The following TNFSF8 variants were observed in gnomAD, a reference collection of about 807,000 sequenced individuals.
TNFSF8 encodes TNF superfamily member 8.
TNFSF8 carries 4 observed loss-of-function variants against 22.0 expected under a neutral mutation model. The ratio of observed to expected loss-of-function variants is 0.18; its 90% CI spans 0.09 to 0.42. The LOEUF (loss-of-function observed/expected upper bound fraction) is 0.42. Among genes scored for constraint, TNFSF8 ranks in the 10% least tolerant of loss-of-function variants. The pLI is 1.00. For missense variants in TNFSF8, 233 were observed against 281.8 expected (o/e 0.83, Z 1.24); for synonymous variants, 106 against 112.5 (o/e 0.94, Z 0.37).
intron 4 of TNFSF8, chr9:114,894,210 T>A: frequency 2.0e-6 from 3 of 1,472,242 alleles, no homozygotes; most frequent in Non-Finnish European, 2.8e-6. Context: ...GCAGGAGAGA[T>A]GTGATACATT....
intron 2 of TNFSF8, among the ~76,000 whole-genome samples, chr9:114,913,201 T>G (rs557009948): frequency 2.6e-5 from 4 of 151,980 alleles, no homozygotes; most frequent in African/African-American, 9.7e-5. Flanking sequence ...GAGGGTGGAG[T>G]TGTCAGGACC....
chr9:114,929,956 A>G lies in TNFSF8; in HGVS notation c.195+153T>C, dbSNP rs1336169942. Among the ~76,000 whole-genome samples, 4 of 143,174 alleles carry G rather than the reference A, an allele frequency of 2.8e-5. No individual in the cohort carries two copies. In the Admixed American group the frequency reaches 2.9e-4, roughly 10 times the overall value. 93.9% of individuals were successfully genotyped at this position (143,174 alleles called of 152,430 possible). ...AAGTGTATTACGTTATACAGTATAT[A>G]CTATAGTATATATATATATATAGAG... On this transcript the variant is annotated intron_variant, in intron 1 of 3. Transcript: ENST00000223795.
intron 2 of TNFSF8, among the ~76,000 whole-genome samples, chr9:114,913,114 GA>G (rs1406863400): frequency 6.6e-6 from 1 of 152,190 alleles, no homozygotes; most frequent in African/African-American, 2.4e-5. Context: ...CCCAAGACTT[GA>G]ATGTCAGCAT....
chr9:114,897,417 A>G (rs1359242839), downstream of TNFSF8, among the ~76,000 whole-genome samples: 2 of 152,152 alleles, frequency 1.3e-5, no homozygotes, highest in Non-Finnish European at 2.9e-5. Flanking sequence ...GTGATTACCC[A>G]GTGCTAAATA....
intron 4 of TNFSF8, among the ~76,000 whole-genome samples, chr9:114,894,359 G>A (rs1300614250): frequency 6.7e-6 from 1 of 149,894 alleles, no homozygotes. Flanking sequence ...TTAGCGGAAT[G>A]GTTCTTGAGC....
chr9:114,900,289 C>T (rs1047037452), downstream of TNFSF8, among the ~76,000 whole-genome samples: 1 of 152,170 alleles, frequency 6.6e-6, no homozygotes, highest in Non-Finnish European at 1.5e-5. Context: ...AAGGGACAAA[C>T]CCTTAAATTA....
At position 114,918,149 on chromosome 9, in the gene TNFSF8, A is replaced by C. The variant is rs1202316977; in HGVS notation, c.196-11T>G. ...GTTGGGAATGGAGTCCTGGAAGAAA[A>C]GAAAGAAAAAAGCAGCATGAGGTGT... is the stretch of plus-strand genomic sequence containing the variant. On this transcript the variant is annotated splice_polypyrimidine_tract_variant and intron_variant, in intron 1 of 3. Coordinates refer to ENST00000223795, the MANE Select transcript of TNFSF8 (RefSeq NM_001244.4). 2 of 1,602,462 alleles carry C rather than the reference A, an allele frequency of 1.2e-6. No homozygotes were observed. The highest frequency in any genetic ancestry group is 4.5e-5 in the East Asian group (2 of 44,454).
Position 114,902,567 on chromosome 9 carries a change from A to T in TNFSF8, c.*1364T>A. 6 of 985,414 alleles carry T rather than the reference A, an allele frequency of 6.1e-6. No individual in the cohort carries two copies. Among genetic ancestry groups the T allele is most frequent in the Non-Finnish European group, 7.2e-6 (6 of 829,932 alleles). The allele number at this position is 985,414 out of a possible 1,614,324, so 61.0% of individuals were successfully genotyped here. A position where few individuals can be genotyped will look rare whatever the true frequency, so the allele number is the denominator to read the frequency against. On this transcript the variant is annotated 3_prime_UTR_variant, in exon 4 of 4. Transcript: ENST00000223795. Reference sequence around the variant, plus strand: ...GGTAGTTCTTTCCATTACATCCTTGAGATCCTGCTGTTCACACCATTCAGC... The same window carrying T: ...GGTAGTTCTTTCCATTACATCCTTGTGATCCTGCTGTTCACACCATTCAGC...
chr9:114,901,295 T>G lies in TNFSF8; in HGVS notation c.*2636A>C. 1 of 985,374 alleles carries G rather than the reference T, an allele frequency of 1.0e-6. No individual in the cohort carries two copies. Among genetic ancestry groups the G allele is most frequent in the Non-Finnish European group, 1.2e-6 (1 of 829,898 alleles). 61.0% of individuals were successfully genotyped at this position (985,374 alleles called of 1,614,324 possible). On this transcript the variant is annotated 3_prime_UTR_variant, in exon 4 of 4. Coordinates refer to ENST00000223795, the MANE Select transcript of TNFSF8 (RefSeq NM_001244.4). ...TCCTGGGTTGCCTACTCCCTACATA[T>G]CTATCAGTTGAGTTATTAATGATTA... is the stretch of plus-strand genomic sequence containing the variant.
chr9:114,908,352 A>G (rs1230794007), intron 2 of TNFSF8, among the ~76,000 whole-genome samples: 1 of 152,238 alleles, frequency 6.6e-6, no homozygotes, highest in Non-Finnish European at 1.5e-5. Flanking sequence ...CCTGAGGGCT[A>G]GAATAACACA....
intron 1 of TNFSF8, among the ~76,000 whole-genome samples, chr9:114,920,083 TGCA>T: frequency 6.6e-6 from 1 of 152,252 alleles, no homozygotes; most frequent in Admixed American, 6.5e-5. Flanking sequence ...CTTTCAGTTA[TGCA>T]TGCAGTTTGC....
rs1296037471 is a variant in TNFSF8 at position 114,902,986 on chromosome 9, ATCTTTCCTGCCTAGC to A, written c.*930_*944del. Reference sequence around the variant, plus strand: ...TGGCCAGAGACAAGAACTTAGAGGCATCTTTCCTGCCTAGCAGACTGGATTCCCCACTTCTCTGTT... The same window carrying A: ...TGGCCAGAGACAAGAACTTAGAGGCAAGACTGGATTCCCCACTTCTCTGTT... On this transcript the variant is annotated 3_prime_UTR_variant, in exon 4 of 4. Transcript: ENST00000223795. 1.3e-5 allele frequency: 2 copies of A among 154,212 alleles called. No homozygotes were observed. Among genetic ancestry groups the A allele is most frequent in the East Asian group, 3.9e-4 (2 of 5,194 alleles). The allele number at this position is 154,212 out of a possible 1,614,324, so 9.6% of individuals were successfully genotyped here. A position where few individuals can be genotyped will look rare whatever the true frequency, so the allele number is the denominator to read the frequency against.
At chr9:114,920,099 GAAA>G in intron 1 of TNFSF8, among the ~76,000 whole-genome samples, 1 of 152,212 alleles carries the variant, frequency 6.6e-6, no homozygotes, top group Admixed American at 6.5e-5. Flanking sequence ...CAGTTTGCAG[GAAA>G]ACTTGATATC....
chr9:114,926,917 AATATTATAAAATATATCAAT>A (rs1299371827), intron 1 of TNFSF8, among the ~76,000 whole-genome samples: 1 of 147,692 alleles, frequency 6.8e-6, no homozygotes, highest in African/African-American at 2.5e-5. Context: ...TCCTAATATA[AATATTATAAAATATATCAAT>A]ATATTATAAA....
intron 2 of TNFSF8, among the ~76,000 whole-genome samples, chr9:114,909,434 C>T (rs1206343319): frequency 6.6e-6 from 1 of 152,150 alleles, no homozygotes; most frequent in African/African-American, 2.4e-5. Context: ...AGTTGATGAC[C>T]TGGGAGTTAG....
downstream of TNFSF8, among the ~76,000 whole-genome samples, chr9:114,900,408 G>A (rs148432428): frequency 1.2e-3 from 186 of 152,314 alleles, 1 homozygote; most frequent in African/African-American, 3.8e-3. Flanking sequence ...AGACACTTGC[G>A]AAGTCCTCGA....
intron 1 of TNFSF8, among the ~76,000 whole-genome samples, chr9:114,926,291 G>T (rs1265560213): frequency 6.6e-6 from 1 of 152,074 alleles, no homozygotes; most frequent in Non-Finnish European, 1.5e-5. Context: ...TTAGCCAGGC[G>T]TGGTGGCGGG....
At chr9:114,905,193 G>A (rs1338120451) in intron 3 of TNFSF8, among the ~76,000 whole-genome samples, 1 of 152,200 alleles carries the variant, frequency 6.6e-6, no homozygotes, top group Non-Finnish European at 1.5e-5. Context: ...ACTGAAGAGT[G>A]AGAACTAATC....
In TNFSF8 at chr9:114,930,168, G is replaced by C. The variant is rs768032202; in HGVS notation, c.136C>G (p.Leu46Val). ...ACCGTGAAGACAAGGCACAGAGCCA[G>C]AGTGGCTGTGGTCAAATAGAAATAG... Reference protein sequence around the residue: ...RSYFYLTTATLALCLVFTVAT... With the variant: ...RSYFYLTTATVALCLVFTVAT... The change falls in exon 1 of 4, where the codon CTG becomes GTG. Residue 46 changes from leucine (L) to valine (V), a missense_variant. Transcript: ENST00000223795. 3.7e-6 allele frequency: 6 copies of C among 1,603,604 alleles called. No individual in the cohort carries two copies. Among genetic ancestry groups the C allele is most frequent in the Non-Finnish European group, 5.1e-6 (6 of 1,175,028 alleles).
Sources: allele counts gnomAD v4.1 joint callset (sites outside exome capture counted in the v4.1 genomes callset), GRCh38; gene constraint gnomAD v4.1.1; transcripts MANE v1.5; gene names NCBI Gene and HGNC (gene_info 2026-07-23, HGNC 2026-07-21).